GLO1: variants seen among roughly 807,000 people sequenced by gnomAD.
The protein encoded by GLO1 is glyoxalase I, also known as lactoylglutathione lyase.
A neutral mutation model predicts 26.0 loss-of-function variants in GLO1; 28 were observed. The ratio of observed to expected loss-of-function variants is 1.08; its 90% CI spans 0.80 to 1.48. The LOEUF (loss-of-function observed/expected upper bound fraction) is 1.48, where lower values mean the gene tolerates loss of function less well. GLO1 is among the 40% of genes most tolerant of loss of function. The probability of loss-of-function intolerance (pLI) is 0.00; values close to 1 mark genes in which losing one functional copy is unlikely to be tolerated. For missense variants in GLO1, 225 were observed against 224.8 expected (o/e 1.00, Z -0.01); for synonymous variants, 78 against 77.6 (o/e 1.00, Z -0.03).
In GLO1 at chr6:38,677,301, T is replaced by G. The variant is rs1582771572; in HGVS notation, c.549A>C (p.Leu183Phe). ...EILNPNKMAT[L>F]M ...AAGGAGAATTCTCACAGCACTACATTAAGGTTGCCATTTTGTTAGGATTCA... is the reference window on the plus strand; with the variant it reads ...AAGGAGAATTCTCACAGCACTACATGAAGGTTGCCATTTTGTTAGGATTCA... Residue 183 changes from leucine (L) to phenylalanine (F), a missense_variant, in exon 6 of 6, where the codon TTA (leucine) becomes TTC (phenylalanine). Transcript: ENST00000373365. 7 of 1,410,842 alleles carry G rather than the reference T, an allele frequency of 5.0e-6. No homozygotes were observed. The highest frequency in any genetic ancestry group is 7.0e-6 in the Non-Finnish European group (7 of 994,486). The allele number at this position is 1,410,842 out of a possible 1,614,324, so 87.4% of individuals were successfully genotyped here. A position where few individuals can be genotyped will look rare whatever the true frequency, so the allele number is the denominator to read the frequency against.
chr6:38,684,515 C>A lies in GLO1; in HGVS notation c.168-1G>T. On this transcript the variant is annotated splice_acceptor_variant, in intron 2 of 5. Transcript: ENST00000373365. LOFTEE classifies it high-confidence loss of function. ...GGGAAAATCACATTTTTGGATTAGCCTGCAATGAAAAAACAACAAGCCTGA... is the reference window on the plus strand; with the variant it reads ...GGGAAAATCACATTTTTGGATTAGCATGCAATGAAAAAACAACAAGCCTGA... The A allele has an allele frequency of 6.6e-7, 1 of 1,504,154 alleles. No homozygotes were observed. Among genetic ancestry groups the A allele is most frequent in the Non-Finnish European group, 8.9e-7 (1 of 1,125,850 alleles). The allele number at this position is 1,504,154 out of a possible 1,614,324, so 93.2% of individuals were successfully genotyped here.
intron 1 of GLO1, among the ~76,000 whole-genome samples, chr6:38,692,034 GGTTT>G (rs1761538733): frequency 6.6e-6 from 1 of 152,096 alleles, no homozygotes; most frequent in African/African-American, 2.4e-5. Context: ...TTTCCAAAAT[GGTTT>G]GTTATTCTAG....
chr6:38,689,902 C>T (rs73414393), intron 1 of GLO1, among the ~76,000 whole-genome samples: 2,329 of 152,132 alleles, frequency 0.015, 79 homozygotes, highest in African/African-American at 0.054. Context: ...TCTTGGCTCA[C>T]TGCAACCCGC....
intron 1 of GLO1, among the ~76,000 whole-genome samples, chr6:38,701,928 A>AT (rs555631797): frequency 0.076 from 10,376 of 137,170 alleles, 521 homozygotes; most frequent in East Asian, 0.2. Context: ...CTGTGCCTGA[A>AT]TTTTTTTTTT....
intron 1 of GLO1, among the ~76,000 whole-genome samples, chr6:38,700,449 C>A (rs1761681345): frequency 6.6e-6 from 1 of 152,218 alleles, no homozygotes; most frequent in Non-Finnish European, 1.5e-5. Flanking sequence ...CTTTATGCTC[C>A]TTCTACAAAC....
At chr6:38,678,014 C>T (rs1424832339) in intron 5 of GLO1, among the ~76,000 whole-genome samples, 1 of 152,124 alleles carries the variant, frequency 6.6e-6, no homozygotes, top group Admixed American at 6.5e-5. Context: ...TAGGGAGGTG[C>T]TGAAGGGAGC....
At chr6:38,688,220 C>T (rs1166336036) in intron 1 of GLO1, among the ~76,000 whole-genome samples, 1 of 152,076 alleles carries the variant, frequency 6.6e-6, no homozygotes, top group African/African-American at 2.4e-5. Flanking sequence ...AGGCAGGTTA[C>T]ATGTTTCTAG....
chr6:38,692,465 C>T (rs1761545437), intron 1 of GLO1, among the ~76,000 whole-genome samples: 1 of 152,128 alleles, frequency 6.6e-6, no homozygotes, highest in Non-Finnish European at 1.5e-5. Context: ...CCTATGTAGA[C>T]AATCATGTCA....
At chr6:38,701,786 T>C (rs1761703312) in intron 1 of GLO1, among the ~76,000 whole-genome samples, 1 of 152,208 alleles carries the variant, frequency 6.6e-6, no homozygotes, top group African/African-American at 2.4e-5. Flanking sequence ...ATGGACCACT[T>C]ATCTACCCCT....
At chr6:38,687,289 A>T (rs1481200521) in intron 1 of GLO1, among the ~76,000 whole-genome samples, 1 of 152,184 alleles carries the variant, frequency 6.6e-6, no homozygotes, top group African/African-American at 2.4e-5. Flanking sequence ...ATTGAACCTC[A>T]GTTGCCCACA....
chr6:38,687,082 A>AGTGG, intron 1 of GLO1, 108 bp from the exon 2 acceptor site: 1 of 1,476,022 alleles, frequency 6.8e-7, no homozygotes. Context: ...CCTACCACCT[A>AGTGG]CAACTTGCAA....
chr6:38,679,455 C>T (rs551145078), intron 5 of GLO1, among the ~76,000 whole-genome samples: 1 of 152,262 alleles, frequency 6.6e-6, no homozygotes, highest in Non-Finnish European at 1.5e-5. Context: ...GCTGCAATTA[C>T]AGGCATGAGC....
chr6:38,699,622 T>G (rs1761665441), intron 1 of GLO1, among the ~76,000 whole-genome samples: 1 of 152,084 alleles, frequency 6.6e-6, no homozygotes, highest in Non-Finnish European at 1.5e-5. Context: ...AACGCATTCC[T>G]GGGGGGAGGT....
chr6:38,698,522 T>C (rs1209876290), intron 1 of GLO1, among the ~76,000 whole-genome samples: 3 of 149,332 alleles, frequency 2.0e-5, no homozygotes, highest in South Asian at 4.2e-4. Flanking sequence ...TATGGAACGA[T>C]GTGAAAATGG....
chr6:38,691,425 C>T (rs1006334488), intron 1 of GLO1, among the ~76,000 whole-genome samples: 4 of 152,118 alleles, frequency 2.6e-5, no homozygotes, highest in African/African-American at 9.7e-5. Context: ...TCTCCTGCCT[C>T]AGCCTCCTGA....
chr6:38,701,387 G>A (rs1380021966), intron 1 of GLO1, among the ~76,000 whole-genome samples: 1 of 126,138 alleles, frequency 7.9e-6, no homozygotes, highest in East Asian at 2.2e-4. Context: ...AAAAATTACT[G>A]ATCTCAAAAT....
chr6:38,700,321 CT>C (rs1417403211), intron 1 of GLO1, among the ~76,000 whole-genome samples: 4 of 152,248 alleles, frequency 2.6e-5, no homozygotes, highest in Non-Finnish European at 4.4e-5. Context: ...TCACCACCAT[CT>C]TTTTGATGTG....
At chr6:38,700,315 C>T (rs1220702129) in intron 1 of GLO1, among the ~76,000 whole-genome samples, 1 of 152,236 alleles carries the variant, frequency 6.6e-6, no homozygotes, top group Non-Finnish European at 1.5e-5. Flanking sequence ...GGCCCATCAC[C>T]ACCATCTTTT....
At chr6:38,696,942 G>A (rs1360671372) in intron 1 of GLO1, among the ~76,000 whole-genome samples, 3 of 142,558 alleles carry the variant, frequency 2.1e-5, no homozygotes, top group African/African-American at 5.2e-5. Flanking sequence ...TTTTTGAGAT[G>A]GAGTCTCACT....
Sources: allele counts gnomAD v4.1 joint callset (sites outside exome capture counted in the v4.1 genomes callset), GRCh38; gene constraint gnomAD v4.1.1; transcripts MANE v1.5; gene names NCBI Gene and HGNC (gene_info 2026-07-23, HGNC 2026-07-21).